Variants in GPR78 observed in about 807,000 individuals in gnomAD.
The protein encoded by GPR78 is G protein-coupled receptor 78.
A neutral mutation model predicts 17.9 loss-of-function variants in GPR78; 29 were observed. That is an observed-to-expected ratio of 1.62 (90% CI 1.20 to 2.21). The LOEUF is 2.21. Among genes scored for constraint, GPR78 ranks in the 30% most tolerant of loss-of-function variants. The pLI, the probability that GPR78 is intolerant of heterozygous loss-of-function variation, is 0.00. For missense variants in GPR78, 649 were observed against 530.5 expected, an observed-to-expected ratio of 1.22 and a Z score of -2.19; for synonymous variants, 349 against 256.9, an observed-to-expected ratio of 1.36 and a Z score of -3.43.
rs1277214974 is a variant in GPR78, at chr4:8,588,446, C to T, written c.*1083C>T. On this transcript the variant is annotated 3_prime_UTR_variant, in exon 3 of 3. Transcript: ENST00000382487. ...CTTTTGTGACATCTGTCCTATTTCA[C>T]AGCTCAGGGAAAGGTGCACAGTGCA... is the stretch of plus-strand genomic sequence containing the variant. Among the ~76,000 whole-genome samples, 1 of 152,246 alleles carries T rather than the reference C, an allele frequency of 6.6e-6. No individual in the cohort carries two copies. The highest frequency in any genetic ancestry group is 1.9e-4 in the East Asian group (1 of 5,194).
chr4:8,581,108 C>G lies in GPR78; in HGVS notation c.126C>G (p.Gly42=), dbSNP rs112196708. 6.2e-7 allele frequency: 1 copy of G among 1,606,482 alleles called. No individual in the cohort carries two copies. Among genetic ancestry groups the G allele is most frequent in the Non-Finnish European group, 8.5e-7 (1 of 1,179,712 alleles). The stretch of plus-strand genomic sequence containing the variant: ...CTGAGCTCCGCACTCGAGCCTCAGG[C>G]GTCCTCCTGGTGAATCTGTCTCTGG... ...YSAELRTRAS[G]VLLVNLSLGH... The change falls in exon 1 of 3, where the codon GGC becomes GGG. Residue 42 remains glycine (G), a synonymous_variant. Coordinates refer to ENST00000382487, the MANE Select transcript of GPR78 (RefSeq NM_080819.5).
Position 8,581,076 on chromosome 4 carries a change from T to C in GPR78, c.94T>C (p.Tyr32His). The C allele has an allele frequency of 1.2e-6, 2 of 1,606,450 alleles. No individual in the cohort carries two copies. Among genetic ancestry groups the C allele is most frequent in the Non-Finnish European group, 1.7e-6 (2 of 1,179,172 alleles). The change falls in exon 1 of 3, where the codon TAC becomes CAC. Residue 32 changes from tyrosine to histidine, a missense_variant. Coordinates refer to ENST00000382487, the MANE Select transcript of GPR78 (RefSeq NM_080819.5). ...SNALVLLCCA[Y>H]SAELRTRASG... is the part of the protein sequence containing the mutation. ...CGCACTGGTGCTGCTTTGTTGCGCC[T>C]ACAGCGCTGAGCTCCGCACTCGAGC... is the stretch of plus-strand genomic sequence containing the variant.
chr4:8,581,092 G>T lies in GPR78; in HGVS notation c.110G>T (p.Arg37Leu), dbSNP rs1022192654. 3 of 1,605,966 alleles carry T rather than the reference G, an allele frequency of 1.9e-6. No individual in the cohort carries two copies. The highest frequency in any genetic ancestry group is 1.1e-5 in the South Asian group (1 of 90,738). ...TGTTGCGCCTACAGCGCTGAGCTCC[G>T]CACTCGAGCCTCAGGCGTCCTCCTG... The part of the protein sequence containing the change: ...LLCCAYSAEL[R>L]TRASGVLLVN... The change falls in exon 1 of 3, where the codon CGC (arginine) becomes CTC (leucine). Residue 37 changes from arginine (R) to leucine (L), a missense_variant. Coordinates refer to ENST00000382487, the MANE Select transcript of GPR78 (RefSeq NM_080819.5).
chr4:8,581,477 G>A lies in GPR78; in HGVS notation c.495G>A (p.Glu165=). Residue 165 remains glutamate (E), a synonymous_variant, in exon 1 of 3, where the codon GAG becomes GAA. Coordinates refer to ENST00000382487, the MANE Select transcript of GPR78 (RefSeq NM_080819.5). ...SCSLRLPPEP[E]RPRFAAFTAT... ...CGCTGCGCCTGCCGCCCGAGCCTGA[G>A]CGTCCGCGCTTCGCAGCCTTCACCG... 2 of 1,592,194 alleles carry A rather than the reference G, an allele frequency of 1.3e-6. No homozygotes were observed. The highest frequency in any genetic ancestry group is 1.1e-5 in the South Asian group (1 of 89,756).
At chr4:8,584,863 A>G (rs1056406039) in intron 2 of GPR78, among the ~76,000 whole-genome samples, 1 of 152,214 alleles carries the variant, frequency 6.6e-6, no homozygotes, top group East Asian at 1.9e-4. Flanking sequence ...TTGTCCTGCA[A>G]TTGCTGAAAA....
At chr4:8,582,186 C>T (rs547134509) in intron 1 of GPR78, among the ~76,000 whole-genome samples, 1 of 152,244 alleles carries the variant, frequency 6.6e-6, no homozygotes, top group South Asian at 2.1e-4. Flanking sequence ...AAGAGGCTCT[C>T]CTGCTCCTGG....
rs536439458 is a variant in GPR78, at chr4:8,589,210, C to G, written c.*1847C>G. Among the ~76,000 whole-genome samples the G allele has an allele frequency of 1.2e-4, 18 of 152,162 alleles. No homozygotes were observed. The highest frequency in any genetic ancestry group is 3.9e-4 in the African/African-American group (16 of 41,504). On this transcript the variant is annotated 3_prime_UTR_variant, in exon 3 of 3. Coordinates refer to ENST00000382487, the MANE Select transcript of GPR78 (RefSeq NM_080819.5). ...TTTGCTGACTCACCAATGCCTCCCCCAAAAGGATAAATTTAAAGGTGTGTA... is the reference window on the plus strand; with the variant it reads ...TTTGCTGACTCACCAATGCCTCCCCGAAAAGGATAAATTTAAAGGTGTGTA...
rs199619277 is a variant in GPR78, at chr4:8,582,608, C to G, written c.746C>G (p.Thr249Ser). ...AGGAAGATTGGCATTGCTATTGCGA[C>G]CTTCCTCATCTGCTTTGCCCCGTAT... ...ATRKIGIAIA[T>S]FLICFAPYVM... Residue 249 changes from threonine to serine, a missense_variant, in exon 2 of 3, where the codon ACC (threonine) becomes AGC (serine). Transcript: ENST00000382487. The G allele has an allele frequency of 1.2e-6, 2 of 1,613,472 alleles. No individual in the cohort carries two copies. The highest frequency in any genetic ancestry group is 8.5e-7 in the Non-Finnish European group (1 of 1,179,642).
In GPR78 at chr4:8,584,586, G is replaced by A. The variant is rs562782881; in HGVS notation, c.782+1942G>A. On this transcript the variant is annotated intron_variant, in intron 2 of 2. Coordinates refer to ENST00000382487, the MANE Select transcript of GPR78 (RefSeq NM_080819.5). ...AGGCTCCTCTCGGTTCTGATGGTGGGAGATGCAGGTCAGCAAGACCAGGCA... is the reference window on the plus strand; with the variant it reads ...AGGCTCCTCTCGGTTCTGATGGTGGAAGATGCAGGTCAGCAAGACCAGGCA... Among the ~76,000 whole-genome samples, 4 of 152,380 alleles carry A rather than the reference G, an allele frequency of 2.6e-5. No homozygotes were observed. The East Asian group carries it at 7.7e-4, about 29-fold the overall frequency.
intron 2 of GPR78, among the ~76,000 whole-genome samples, chr4:8,586,818 T>C (rs1713527656): frequency 6.6e-6 from 1 of 152,196 alleles, no homozygotes; most frequent in Non-Finnish European, 1.5e-5. Flanking sequence ...ACTGAGCACC[T>C]GCTGTGTGGT....
At position 8,585,116 on chromosome 4, in the gene GPR78, G is replaced by A. The variant is rs151320881; in HGVS notation, c.783-1938G>A. 1.0e-3 allele frequency among the ~76,000 whole-genome samples: 152 copies of A among 152,340 alleles called. 1 individual carries two copies. Among genetic ancestry groups the A allele is most frequent in the African/African-American group, 3.4e-3 (143 of 41,574 alleles). On this transcript the variant is annotated intron_variant, in intron 2 of 2. Coordinates refer to ENST00000382487, the MANE Select transcript of GPR78 (RefSeq NM_080819.5). ...CGTGCAGATGAAGCCCGTGGGGTGT[G>A]CGGCAGTGAGACCAGGAGGGCAGGG...
chr4:8,583,579 GCT>G (rs1560281582), intron 2 of GPR78, among the ~76,000 whole-genome samples: 1 of 151,806 alleles, frequency 6.6e-6, no homozygotes. Context: ...CAGGATCCTG[GCT>G]CTGTTTGTGT....
At position 8,587,033 on chromosome 4, in the gene GPR78, G is replaced by A. The variant is rs934244862; in HGVS notation, c.783-21G>A. The stretch of plus-strand genomic sequence containing the variant: ...AGGTGCTGTCACTGTGGCTGAGTTA[G>A]CTGCTCCGCTTCCCCAACAGGCTGG... On this transcript the variant is annotated intron_variant, in intron 2 of 2. Coordinates refer to ENST00000382487, the MANE Select transcript of GPR78 (RefSeq NM_080819.5). The A allele has an allele frequency of 1.9e-6, 3 of 1,604,344 alleles. No individual in the cohort carries two copies. In the Admixed American group the frequency reaches 5.0e-5, roughly 27 times the overall value.
chr4:8,583,041 A>T, intron 2 of GPR78: 1 of 183,868 alleles, frequency 5.4e-6, no homozygotes, highest in Non-Finnish European at 1.1e-5. Context: ...CGGGGCAGTA[A>T]CACTGCCAGG....
In GPR78 at chr4:8,587,491, C is replaced by CAGGAGG. The variant is rs570752885; in HGVS notation, c.*140_*145dup. 7.8e-6 allele frequency: 7 copies of CAGGAGG among 897,820 alleles called. No homozygotes were observed. Among genetic ancestry groups the CAGGAGG allele is most frequent in the Non-Finnish European group, 1.0e-5 (6 of 592,730 alleles). The allele number at this position is 897,820 out of a possible 1,614,324, so 55.6% of individuals were successfully genotyped here. A position where few individuals can be genotyped will look rare whatever the true frequency, so the allele number is the denominator to read the frequency against. On this transcript the variant is annotated 3_prime_UTR_variant, in exon 3 of 3. Coordinates refer to ENST00000382487, the MANE Select transcript of GPR78 (RefSeq NM_080819.5). ...TTGACTTTGAGCTAAGGCTGAAGTA[C>CAGGAGG]AGGAGGAGGAGGAGGAGAGGGCCGG...
In GPR78 at chr4:8,587,795, C is replaced by CCAG. The variant is rs773109254; in HGVS notation, c.*432_*433insCAG. The CCAG allele has an allele frequency of 2.1e-4, 42 of 203,380 alleles. 1 individual carries two copies. The highest frequency in any genetic ancestry group is 2.0e-3 in the Middle Eastern group (1 of 506). 12.6% of individuals were successfully genotyped at this position (203,380 alleles called of 1,614,324 possible). A position where few individuals can be genotyped will look rare whatever the true frequency, so the allele number is the denominator to read the frequency against. ...CCAGATGGACACCTGTTTCTCCAAC[C>CCAG]TGGTTATTAGCATTGTTCCGATTTG... On this transcript the variant is annotated 3_prime_UTR_variant, in exon 3 of 3. Transcript: ENST00000382487.
chr4:8,580,796 C>T lies in GPR78; in HGVS notation c.-187C>T. ...CCTGCTCCGCAGAGCTACGCCCTCCCCCCGGGTGCCCCGGACCCTGCACTT... is the reference window on the plus strand; with the variant it reads ...CCTGCTCCGCAGAGCTACGCCCTCCTCCCGGGTGCCCCGGACCCTGCACTT... On this transcript the variant is annotated 5_prime_UTR_variant, in exon 1 of 3. Coordinates refer to ENST00000382487, the MANE Select transcript of GPR78 (RefSeq NM_080819.5). 1.6e-6 allele frequency: 1 copy of T among 621,368 alleles called. No homozygotes were observed. Among genetic ancestry groups the T allele is most frequent in the Non-Finnish European group, 2.7e-6 (1 of 368,636 alleles). The allele number at this position is 621,368 out of a possible 1,614,324, so 38.5% of individuals were successfully genotyped here. A position where few individuals can be genotyped will look rare whatever the true frequency, so the allele number is the denominator to read the frequency against.
Position 8,580,586 on chromosome 4 carries a change from C to A in GPR78, c.-397C>A, listed in dbSNP as rs1041998783. On this transcript the variant is annotated 5_prime_UTR_variant, in exon 1 of 3. Transcript: ENST00000382487. The stretch of plus-strand genomic sequence containing the variant: ...GGAACAGAAGCGCGCAGAGTCCCAT[C>A]CTGCCACGCCACGAGGAGAGAAGAA... 3.7e-4 allele frequency: 80 copies of A among 217,170 alleles called. 2 individuals carry two copies. Among genetic ancestry groups the A allele is most frequent in the Admixed American group, 1.4e-3 (24 of 17,124 alleles). The allele number at this position is 217,170 out of a possible 1,614,324, so 13.5% of individuals were successfully genotyped here. A position where few individuals can be genotyped will look rare whatever the true frequency, so the allele number is the denominator to read the frequency against.
In GPR78 at chr4:8,582,826, G is replaced by C. The variant is rs1282210371; in HGVS notation, c.782+182G>C. ...TCCTGGGAAAGATCCTGGGAGGGAGGTGGCACTGGCTCCCATCCTGTCCTA... is the reference window on the plus strand; with the variant it reads ...TCCTGGGAAAGATCCTGGGAGGGAGCTGGCACTGGCTCCCATCCTGTCCTA... On this transcript the variant is annotated intron_variant, in intron 2 of 2. Transcript: ENST00000382487. 4 of 589,750 alleles carry C rather than the reference G, an allele frequency of 6.8e-6. No homozygotes were observed. In the Admixed American group the frequency reaches 8.5e-5, roughly 13 times the overall value. The allele number at this position is 589,750 out of a possible 1,614,324, so 36.5% of individuals were successfully genotyped here. A position where few individuals can be genotyped will look rare whatever the true frequency, so the allele number is the denominator to read the frequency against.
Sources: gnomAD v4.1 joint callset for allele counts (sites outside exome capture counted in the v4.1 genomes callset) on GRCh38, gnomAD v4.1.1 for gene constraint, MANE v1.5 for transcripts, NCBI Gene and HGNC (gene_info 2026-07-23, HGNC 2026-07-21) for gene names.